Variants in AHR observed in about 807,000 individuals in gnomAD.
AHR encodes AH-receptor.
AHR carries 40 observed loss-of-function variants against 86.8 expected under a neutral mutation model. That is an observed-to-expected ratio of 0.46 (90% confidence interval 0.36 to 0.60). The LOEUF (loss-of-function observed/expected upper bound fraction) is 0.60. Among genes scored for constraint, AHR ranks in the 20% least tolerant of loss-of-function variants. The pLI is 0.00. For missense variants in AHR, 1,001 were observed against 1,011.6 expected, an observed-to-expected ratio of 0.99 and a Z score of 0.14; for synonymous variants, 398 against 354.9, an observed-to-expected ratio of 1.12 and a Z score of -1.37.
At chr7:17,336,861 G>A (rs1782359261) in intron 9 of AHR, among the ~76,000 whole-genome samples, 1 of 151,666 alleles carries the variant, frequency 6.6e-6, no homozygotes, top group African/African-American at 2.4e-5. Context: ...TTGGTTTATT[G>A]ATTTTTTTCT....
At chr7:17,302,013 T>G (rs1166597983) in intron 1 of AHR, among the ~76,000 whole-genome samples, 1 of 152,040 alleles carries the variant, frequency 6.6e-6, no homozygotes, top group Non-Finnish European at 1.5e-5. Context: ...TGAAAGTGTT[T>G]ATTTATTTTG....
At chr7:17,305,108 A>C (rs1781992381) in intron 1 of AHR, among the ~76,000 whole-genome samples, 1 of 152,128 alleles carries the variant, frequency 6.6e-6, no homozygotes. Context: ...AACTCATCAC[A>C]ATTATAGGGC....
chr7:17,340,300 TTA>T (rs369304118), intron 10 of AHR, 72 bp downstream of exon 10: 1 of 1,487,862 alleles, frequency 6.7e-7, no homozygotes, highest in African/African-American at 1.4e-5. Context: ...TACACATTTT[TTA>T]TGTCAGCTGA....
At chr7:17,321,602 CA>C (rs1409327972) in intron 2 of AHR, among the ~76,000 whole-genome samples, 3 of 151,512 alleles carry the variant, frequency 2.0e-5, no homozygotes, top group Non-Finnish European at 4.4e-5. Flanking sequence ...CATACACACA[CA>C]CACACACACA....
rs1782278354 is a variant in AHR, at chr7:17,330,645, G to T, written c.575-111G>T. 4 of 918,114 alleles carry T rather than the reference G, an allele frequency of 4.4e-6. No homozygotes were observed. The Admixed American group carries it at 9.7e-5, about 22-fold the overall frequency. The allele number at this position is 918,114 out of a possible 1,614,324, so 56.9% of individuals were successfully genotyped here. ...TAGCTCTTTTGAAAATGATTTTTTT[G>T]TATTCAGAACACAGACTCCAGTTTA... On this transcript the variant is annotated intron_variant, in intron 5 of 10. Coordinates refer to ENST00000242057, the MANE Select transcript of AHR (RefSeq NM_001621.5).
At chr7:17,342,108 T>C (rs1004219436) in intron 10 of AHR, among the ~76,000 whole-genome samples, 15 of 152,144 alleles carry the variant, frequency 9.9e-5, no homozygotes, top group African/African-American at 3.6e-4. Flanking sequence ...ATGTAGGCTT[T>C]ACAAAGGTAG....
rs1782442168 is a variant in AHR at position 17,342,970 on chromosome 7, T to A, written c.2453T>A (p.Ile818Lys). The part of the protein sequence containing the change: ...NETYPAELNN[I>K]NNTQTTTHLQ... The stretch of plus-strand genomic sequence containing the variant: ...ACATATCCAGCTGAATTAAATAACA[T>A]AAATAACACTCAGACTACCACACAT... The change falls in exon 11 of 11, where the codon ATA becomes AAA. Residue 818 changes from isoleucine (I) to lysine (K), a missense_variant. Physicochemically the swap from Ile to Lys is moderately radical, Grantham distance 102. Around this residue, in one of 2 missense-constraint regions of AHR, gnomAD observed 607 missense variants for 543.1 expected, o/e 1.12. Coordinates refer to ENST00000242057, the MANE Select transcript of AHR (RefSeq NM_001621.5). The A allele has an allele frequency of 1.2e-6, 2 of 1,613,496 alleles. No homozygotes were observed. The highest frequency in any genetic ancestry group is 1.6e-4 in the Middle Eastern group (1 of 6,062).
intron 7 of AHR, 65 bp from the exon 8 acceptor site, chr7:17,334,822 C>G (rs531329767): frequency 8.7e-7 from 1 of 1,153,896 alleles, no homozygotes; most frequent in East Asian, 2.4e-5. Context: ...ATGAATTTAT[C>G]TTGGTTATTT....
chr7:17,334,345 T>A (rs1217415219), intron 7 of AHR, among the ~76,000 whole-genome samples: 2 of 152,060 alleles, frequency 1.3e-5, no homozygotes, highest in East Asian at 3.8e-4. Flanking sequence ...TATATATTAG[T>A]AAGGTTTATT....
intron 1 of AHR, among the ~76,000 whole-genome samples, chr7:17,306,992 T>A (rs112411370): frequency 4.6e-5 from 7 of 152,300 alleles, no homozygotes; most frequent in African/African-American, 1.7e-4. Context: ...TATAAGCAAT[T>A]ATGTTACTTG....
chr7:17,308,498 C>A (rs1782028161), intron 1 of AHR, among the ~76,000 whole-genome samples: 1 of 152,106 alleles, frequency 6.6e-6, no homozygotes. Flanking sequence ...TAGAGAATTA[C>A]ACAATGAGGT....
rs530163106 is a variant in AHR, at chr7:17,313,386, CAG to C, written c.253+3264_253+3265del. 2.9e-4 allele frequency among the ~76,000 whole-genome samples: 44 copies of C among 152,204 alleles called. No individual in the cohort carries two copies. In the South Asian group the frequency reaches 6.0e-3, roughly 21 times the overall value. On this transcript the variant is annotated intron_variant, in intron 2 of 10. Transcript: ENST00000242057. ...CTCAAAGTGAATAACAGGATGCAAACAGGGGGTGTGTAAATTCCTGCGGAAAG... is the reference window on the plus strand; with the variant it reads ...CTCAAAGTGAATAACAGGATGCAAACGGGGTGTGTAAATTCCTGCGGAAAG...
Position 17,299,168 on chromosome 7 carries a change from C to T in AHR, c.-97C>T. 7.3e-7 allele frequency: 1 copy of T among 1,371,050 alleles called. No homozygotes were observed. Among genetic ancestry groups the T allele is most frequent in the Non-Finnish European group, 9.6e-7 (1 of 1,036,632 alleles). 84.9% of individuals were successfully genotyped at this position (1,371,050 alleles called of 1,614,324 possible). ...GTGGAGCGGGCGCGGCTTCGCGGAA[C>T]CCGGCGCCGGCCGCCGCAGTGGTCC... On this transcript the variant is annotated 5_prime_UTR_variant, in exon 1 of 11. Coordinates refer to ENST00000242057, the MANE Select transcript of AHR (RefSeq NM_001621.5).
In AHR at chr7:17,334,956, T is replaced by C. The variant is rs1303009144; in HGVS notation, c.978T>C (p.His326=). The change falls in exon 8 of 11, where the codon CAT becomes CAC. Residue 326 remains histidine (H), a synonymous_variant. Transcript: ENST00000242057. ...GAGGCTCAGGTTATCAGTTTATTCA[T>C]GCAGCTGATATGCTTTATTGTGCCG... ...CTRGSGYQFI[H]AADMLYCAES... 1.9e-6 allele frequency: 3 copies of C among 1,613,266 alleles called. No individual in the cohort carries two copies. The highest frequency in any genetic ancestry group is 1.7e-5 in the Admixed American group (1 of 59,962).
At chr7:17,335,965 T>G (rs576883573) in intron 9 of AHR, 179 bp downstream of exon 9, 92 of 592,556 alleles carry the variant, frequency 1.6e-4, no homozygotes, top group Non-Finnish European at 2.5e-4. Flanking sequence ...CGAACTTGAT[T>G]GAGAGCTACA....
chr7:17,299,276 C>A lies in AHR; in HGVS notation c.12C>A (p.Ser4Arg). The stretch of plus-strand genomic sequence containing the variant: ...GTCGGCTGGGCACCATGAACAGCAG[C>A]AGCGCCAACATCACCTACGCCAGTC... MNS[S>R]SANITYASRK... is the part of the protein sequence containing the mutation. The change falls in exon 1 of 11, where the codon AGC becomes AGA. Residue 4 changes from serine to arginine, a missense_variant. Physicochemically the swap from Ser to Arg is moderately radical, Grantham distance 110 (BLOSUM62 -1). This residue lies in a region of AHR where 394 missense variants were observed against 468.5 expected (regional missense o/e 0.84). Transcript: ENST00000242057. The A allele has an allele frequency of 6.2e-7, 1 of 1,612,268 alleles. No individual in the cohort carries two copies. Among genetic ancestry groups the A allele is most frequent in the Non-Finnish European group, 8.5e-7 (1 of 1,179,678 alleles).
rs755357232 is a variant in AHR, at chr7:17,339,365, A to C, written c.1540A>C (p.Ile514Leu). The C allele has an allele frequency of 6.8e-6, 11 of 1,614,092 alleles. No homozygotes were observed. In the South Asian group the frequency reaches 1.1e-4, roughly 16 times the overall value. Residue 514 changes from isoleucine to leucine, a missense_variant, in exon 10 of 11, where the codon ATT becomes CTT. Physicochemically the swap from Ile to Leu is conservative, Grantham distance 5. This residue lies in a region of AHR where 607 missense variants were observed against 543.1 expected (regional missense o/e 1.12). Transcript: ENST00000242057. ...TGATACTATCCTGAAACATGAGCAAATTGACCAGCCTCAGGATGTGAACTC... is the reference window on the plus strand; with the variant it reads ...TGATACTATCCTGAAACATGAGCAACTTGACCAGCCTCAGGATGTGAACTC... ...GNDTILKHEQ[I>L]DQPQDVNSFA...
rs1175396063 is a variant in AHR at position 17,346,127 on chromosome 7, TAATAA to T, written c.*3069_*3073del. 1 of 152,384 alleles carries T rather than the reference TAATAA, an allele frequency of 6.6e-6. No homozygotes were observed. Among genetic ancestry groups the T allele is most frequent in the Non-Finnish European group, 1.5e-5 (1 of 67,974 alleles). The allele number at this position is 152,384 out of a possible 1,614,324, so 9.4% of individuals were successfully genotyped here. ...TATCAAAGTTGTATACAATAATATA[TAATAA>T]AATAACAAATATGAATAATATGTTT... is the stretch of plus-strand genomic sequence containing the variant. On this transcript the variant is annotated 3_prime_UTR_variant, in exon 11 of 11. Coordinates refer to ENST00000242057, the MANE Select transcript of AHR (RefSeq NM_001621.5).
At chr7:17,306,757 G>T (rs184332499) in intron 1 of AHR, among the ~76,000 whole-genome samples, 2 of 152,084 alleles carry the variant, frequency 1.3e-5, no homozygotes, top group East Asian at 3.9e-4. Context: ...ACTTCCTATA[G>T]TGAGTTAGTT....
Sources: allele counts gnomAD v4.1 joint callset (sites outside exome capture counted in the v4.1 genomes callset), GRCh38; gene constraint gnomAD v4.1.1; regional missense constraint gnomAD v4.1.1; transcripts MANE v1.5; gene names NCBI Gene and HGNC (gene_info 2026-07-23, HGNC 2026-07-21).